ACER3: variants seen among roughly 807,000 people sequenced by gnomAD.
ACER3 encodes alkaline ceramidase 3, also known as alkCDase 3.
A neutral mutation model predicts 48.9 loss-of-function variants in ACER3; 16 were observed. The observed-to-expected ratio is 0.33, with a 90% confidence interval of 0.22 to 0.50. ACER3 has a LOEUF of 0.50. Among genes scored for constraint, ACER3 ranks in the 20% least tolerant of loss-of-function variants. ACER3 has a pLI of 0.98. For synonymous variants in ACER3, 109 were observed against 107.8 expected (o/e 1.01, Z -0.07); for missense variants, 227 against 326.0 (o/e 0.70, Z 2.34).
At chr11:76,998,479 A>T in intron 6 of ACER3, 1 of 337,098 alleles carries the variant, frequency 3.0e-6, no homozygotes, top group East Asian at 8.5e-5. Context: ...GCATTTGTTC[A>T]GGTTTCAGCA....
intron 1 of ACER3, among the ~76,000 whole-genome samples, chr11:76,907,727 C>T (rs757478454): frequency 6.6e-6 from 1 of 151,830 alleles, no homozygotes; most frequent in Non-Finnish European, 1.5e-5. Context: ...AAAAATTAGC[C>T]GGGCATGGTG....
intron 3 of ACER3, among the ~76,000 whole-genome samples, chr11:76,970,799 A>G (rs1948278152): frequency 6.6e-6 from 1 of 152,052 alleles, no homozygotes; most frequent in Non-Finnish European, 1.5e-5. Context: ...ATGTTCACAG[A>G]TTGTGGAGCC....
intron 2 of ACER3, among the ~76,000 whole-genome samples, chr11:76,946,828 G>C (rs1290855349): frequency 6.6e-6 from 1 of 152,180 alleles, no homozygotes; most frequent in Non-Finnish European, 1.5e-5. Flanking sequence ...TCCCTTTCTG[G>C]AGCAACATCT....
chr11:76,963,279 G>C (rs577770435), intron 3 of ACER3, among the ~76,000 whole-genome samples: 9 of 148,720 alleles, frequency 6.1e-5, no homozygotes, highest in Non-Finnish European at 1.3e-4. Flanking sequence ...TGCTTACCTA[G>C]AGACATACCC....
chr11:76,890,185 T>C (rs1296850048), intron 1 of ACER3, among the ~76,000 whole-genome samples: 2 of 152,172 alleles, frequency 1.3e-5, no homozygotes, highest in East Asian at 1.9e-4. Context: ...CTTATTACAG[T>C]GTCTAGTACA....
Position 76,931,326 on chromosome 11 carries a change from C to T in ACER3, c.214+4659C>T, listed in dbSNP as rs1946993079. Among the ~76,000 whole-genome samples, 6 of 140,696 alleles carry T rather than the reference C, an allele frequency of 4.3e-5. No individual in the cohort carries two copies. The South Asian group carries it at 1.4e-3, about 33-fold the overall frequency. 92.3% of individuals were successfully genotyped at this position (140,696 alleles called of 152,430 possible). On this transcript the variant is annotated intron_variant, in intron 2 of 10. Coordinates refer to ENST00000532485, the MANE Select transcript of ACER3 (RefSeq NM_018367.7). ...TGTTTTCCATTTGCTTGGTAGATCT[C>T]CCTCCATCCCTTTATTTTGAGCCTA...
At chr11:77,005,758 A>C (rs1160565163) in intron 7 of ACER3, among the ~76,000 whole-genome samples, 3 of 151,702 alleles carry the variant, frequency 2.0e-5, no homozygotes, top group African/African-American at 7.3e-5. Flanking sequence ...ATATTGGAGT[A>C]GGGCCCACCC....
At chr11:76,886,943 G>T (rs1351187261) in intron 1 of ACER3, among the ~76,000 whole-genome samples, 1 of 152,178 alleles carries the variant, frequency 6.6e-6, no homozygotes, top group Non-Finnish European at 1.5e-5. Flanking sequence ...CTCCCAAAGT[G>T]CTGGGATTAC....
At chr11:76,866,089 G>A (rs1945082910) in intron 1 of ACER3, among the ~76,000 whole-genome samples, 1 of 151,716 alleles carries the variant, frequency 6.6e-6, no homozygotes, top group Admixed American at 6.6e-5. Context: ...GCCTCCCAAA[G>A]TGCTGGAATT....
At chr11:76,897,329 C>A (rs976097082) in intron 1 of ACER3, among the ~76,000 whole-genome samples, 4 of 152,142 alleles carry the variant, frequency 2.6e-5, no homozygotes, top group Admixed American at 6.5e-5. Context: ...CAAAACTTGA[C>A]AAGTGGTAGT....
At chr11:77,011,357 G>A (rs1949260094) in intron 7 of ACER3, 2 of 985,464 alleles carry the variant, frequency 2.0e-6, no homozygotes, top group South Asian at 9.4e-5. Flanking sequence ...CTGCCCCTGA[G>A]AGCTGAAGAT....
chr11:76,941,340 G>C (rs921430754), intron 2 of ACER3, among the ~76,000 whole-genome samples: 5 of 152,074 alleles, frequency 3.3e-5, no homozygotes, highest in African/African-American at 1.2e-4. Flanking sequence ...GATCCACTAA[G>C]AATTTAGTCA....
At chr11:76,914,885 G>C (rs566112198) in intron 1 of ACER3, among the ~76,000 whole-genome samples, 1 of 152,090 alleles carries the variant, frequency 6.6e-6, no homozygotes, top group Non-Finnish European at 1.5e-5. Flanking sequence ...GGATGAGTTC[G>C]TGTCCTTTGT....
intron 1 of ACER3, among the ~76,000 whole-genome samples, chr11:76,904,808 GTTAA>G (rs1207753105): frequency 6.6e-6 from 1 of 151,506 alleles, no homozygotes; most frequent in East Asian, 1.9e-4. Context: ...TTCTTAACCA[GTTAA>G]TTATTTGCTA....
At position 76,865,959 on chromosome 11, in the gene ACER3, G is replaced by A. The variant is rs756005577; in HGVS notation, c.103+4880G>A. ...AGGCTCCCAAGTAGCTGGGAGGCAC[G>A]CACCACCATACCTGGCTAATTTTTG... On this transcript the variant is annotated intron_variant, in intron 1 of 10. Coordinates refer to ENST00000532485, the MANE Select transcript of ACER3 (RefSeq NM_018367.7). Among the ~76,000 whole-genome samples the A allele has an allele frequency of 9.8e-4, 148 of 150,822 alleles. 1 individual carries two copies. The highest frequency in any genetic ancestry group is 1.3e-3 in the Non-Finnish European group (89 of 67,780).
At chr11:76,879,610 T>C (rs989515024) in intron 1 of ACER3, among the ~76,000 whole-genome samples, 1 of 152,072 alleles carries the variant, frequency 6.6e-6, no homozygotes, top group Non-Finnish European at 1.5e-5. Flanking sequence ...AGGAAGTTCT[T>C]TACTTGTTGA....
intron 1 of ACER3, among the ~76,000 whole-genome samples, chr11:76,899,752 A>G (rs1946032974): frequency 6.6e-6 from 1 of 152,092 alleles, no homozygotes; most frequent in African/African-American, 2.4e-5. Context: ...TCCCCTAGAC[A>G]TGTTACTTTG....
chr11:76,905,595 T>C (rs1031443640), intron 1 of ACER3, among the ~76,000 whole-genome samples: 3 of 152,210 alleles, frequency 2.0e-5, no homozygotes, highest in Middle Eastern at 3.2e-3. Flanking sequence ...AACAAGACAT[T>C]TGTGTAAACG....
chr11:76,966,563 A>G (rs1378019744), intron 3 of ACER3, among the ~76,000 whole-genome samples: 2 of 151,204 alleles, frequency 1.3e-5, no homozygotes, highest in African/African-American at 4.9e-5. Flanking sequence ...TTGGAAGTAA[A>G]GCACTCCTCA....
Sources: gnomAD v4.1 joint callset for allele counts (sites outside exome capture counted in the v4.1 genomes callset) on GRCh38, gnomAD v4.1.1 for gene constraint, MANE v1.5 for transcripts, NCBI Gene and HGNC (gene_info 2026-07-23, HGNC 2026-07-21) for gene names.